The following ABCC9 variants were observed in gnomAD, a reference collection of about 807,000 sequenced individuals.
ABCC9 encodes the protein ATP-binding cassette sub-family C member 9.
In ABCC9, 95 loss-of-function variants were observed where a neutral mutation model predicts 188.3. The ratio of observed to expected loss-of-function variants is 0.50; its 90% confidence interval spans 0.43 to 0.60. ABCC9 has a LOEUF of 0.60. Ranked by LOEUF, ABCC9 falls within the 20% of genes least tolerant of loss-of-function variation. The probability of loss-of-function intolerance (pLI) is 0.00; values close to 1 mark genes in which losing one functional copy is unlikely to be tolerated. For synonymous variants in ABCC9, 659 were observed against 652.7 expected (o/e 1.01, Z -0.15); for missense variants, 1,102 against 1,876.3 (o/e 0.59, Z 7.62).
At chr12:21,826,417 T>C (rs1303015585) in intron 31 of ABCC9, among the ~76,000 whole-genome samples, 1 of 152,184 alleles carries the variant, frequency 6.6e-6, no homozygotes, top group East Asian at 1.9e-4. Context: ...CTGTCTCCAG[T>C]GATGTGGACA....
chr12:21,858,890 C>T (rs1945361847), intron 22 of ABCC9, among the ~76,000 whole-genome samples: 1 of 152,188 alleles, frequency 6.6e-6, no homozygotes, highest in African/African-American at 2.4e-5. Flanking sequence ...TTTACATACT[C>T]TGCCAGCATC....
In ABCC9 at chr12:21,845,585, A is replaced by G; in HGVS notation, c.3096+18T>C. ...ATATTTCCTTGATGATTTAAAAACA[A>G]AACCGAACCAATTGTACCTGATCAG... is the stretch of plus-strand genomic sequence containing the variant. On this transcript the variant is annotated intron_variant, in intron 26 of 39. Transcript: ENST00000261200. 1.2e-6 allele frequency: 2 copies of G among 1,606,156 alleles called. No individual in the cohort carries two copies. The highest frequency in any genetic ancestry group is 1.7e-6 in the Non-Finnish European group (2 of 1,173,468).
intron 35 of ABCC9, among the ~76,000 whole-genome samples, chr12:21,813,101 C>A (rs1296779345): frequency 1.3e-5 from 2 of 151,998 alleles, no homozygotes; most frequent in Non-Finnish European, 2.9e-5. Flanking sequence ...ATTGTCTGTT[C>A]CCCAACTAGA....
At chr12:21,923,091 A>G (rs1948900123) in intron 5 of ABCC9, 1 of 151,448 alleles carries the variant, frequency 6.6e-6, no homozygotes, top group African/African-American at 2.4e-5. Flanking sequence ...TGGAAAAAAA[A>G]AAAAAAGAAC....
chr12:21,848,577 A>T (rs1018480338), intron 24 of ABCC9, among the ~76,000 whole-genome samples: 1 of 152,204 alleles, frequency 6.6e-6, no homozygotes, highest in Non-Finnish European at 1.5e-5. Context: ...CATCACCTTC[A>T]GACTATCCTT....
At chr12:21,850,290 G>A (rs1009764425) in intron 24 of ABCC9, among the ~76,000 whole-genome samples, 4 of 151,956 alleles carry the variant, frequency 2.6e-5, no homozygotes, top group African/African-American at 7.3e-5. Flanking sequence ...AAAGTAAACC[G>A]AAATCTGTTT....
chr12:21,912,184 T>C lies in ABCC9; in HGVS notation c.1011+688A>G, dbSNP rs140395957. 4.6e-5 allele frequency among the ~76,000 whole-genome samples: 7 copies of C among 151,990 alleles called. No individual in the cohort carries two copies. In the East Asian group the frequency reaches 9.7e-4, roughly 21 times the overall value. ...GATGGAAAGAGGACAGGAAATCAGATTGAGAGAACAGAAAAGGAAAATGGA... is the reference window on the plus strand; with the variant it reads ...GATGGAAAGAGGACAGGAAATCAGACTGAGAGAACAGAAAAGGAAAATGGA... On this transcript the variant is annotated intron_variant, in intron 8 of 39. Transcript: ENST00000261200.
At chr12:21,860,687 C>A (rs1355466506) in intron 21 of ABCC9, among the ~76,000 whole-genome samples, 1 of 152,068 alleles carries the variant, frequency 6.6e-6, no homozygotes, top group Non-Finnish European at 1.5e-5. Flanking sequence ...TCCACGTAAG[C>A]AAAAATGCAT....
chr12:21,927,255 C>T (rs908441086), intron 4 of ABCC9, among the ~76,000 whole-genome samples: 2 of 152,136 alleles, frequency 1.3e-5, no homozygotes, highest in South Asian at 2.1e-4. Context: ...GCATCTCAAC[C>T]CGTGGAAAAC....
intron 14 of ABCC9, among the ~76,000 whole-genome samples, chr12:21,892,722 T>C (rs1020578223): frequency 6.6e-6 from 1 of 152,234 alleles, no homozygotes; most frequent in Admixed American, 6.5e-5. Context: ...GTTTATAAGA[T>C]GATTTATATG....
intron 18 of ABCC9, among the ~76,000 whole-genome samples, chr12:21,868,950 A>G (rs980576140): frequency 1.6e-4 from 25 of 152,340 alleles, no homozygotes; most frequent in African/African-American, 5.5e-4. Context: ...AAAGAATGTC[A>G]GTATCCTCTG....
At chr12:21,875,759 T>C in intron 16 of ABCC9, 33 bp from the exon 17 acceptor site, 1 of 1,494,384 alleles carries the variant, frequency 6.7e-7, no homozygotes, top group South Asian at 1.1e-5. Flanking sequence ...TTAAATTATA[T>C]GTGTGGTATC....
chr12:21,875,651 T>C lies in ABCC9; in HGVS notation c.2092+3A>G, dbSNP rs1293279635. 1 of 1,604,488 alleles carries C rather than the reference T, an allele frequency of 6.2e-7. No individual in the cohort carries two copies. The highest frequency in any genetic ancestry group is 8.5e-7 in the Non-Finnish European group (1 of 1,171,384). The stretch of plus-strand genomic sequence containing the variant: ...ACAAAAATGCATAACAGATAACTCT[T>C]ACCTGTTGGAATTCGAATATCTATA... On this transcript the variant is annotated splice_donor_region_variant and intron_variant, in intron 17 of 39. Transcript: ENST00000261200.
At position 21,862,957 on chromosome 12, in the gene ABCC9, G is replaced by C; in HGVS notation, c.2335C>G (p.Gln779Glu). The change falls in exon 20 of 40, where the codon CAG becomes GAG. Residue 779 changes from glutamine to glutamate, a missense_variant. By Grantham distance (29) the Gln-to-Glu change is conservative (BLOSUM62 2). Around this residue, in one of 12 missense-constraint regions of ABCC9, gnomAD observed 258 missense variants for 325.6 expected, o/e 0.79. Coordinates refer to ENST00000261200, the MANE Select transcript of ABCC9 (RefSeq NM_020297.4). Reference protein sequence around the residue: ...NITFGSPFNKQRYKAVTDACS... With the variant: ...NITFGSPFNKERYKAVTDACS... ...ATTTTATATGCTCAAAATTACCTCT[G>C]TTTGTTAAAAGGACTTCCAAAAGTA... 1.3e-6 allele frequency: 2 copies of C among 1,598,494 alleles called. No individual in the cohort carries two copies. Among genetic ancestry groups the C allele is most frequent in the Non-Finnish European group, 1.7e-6 (2 of 1,166,770 alleles).
chr12:21,923,484 T>G, intron 5 of ABCC9: 1 of 205,354 alleles, frequency 4.9e-6, no homozygotes. Context: ...AAGATATGAA[T>G]AGCCACATCC....
chr12:21,891,308 G>A (rs1947150058), intron 14 of ABCC9, among the ~76,000 whole-genome samples: 1 of 152,184 alleles, frequency 6.6e-6, no homozygotes, highest in South Asian at 2.1e-4. Context: ...ATACAAAGTG[G>A]AGAAGTGAGG....
At chr12:21,811,248 T>C (rs1942217306) in intron 36 of ABCC9, among the ~76,000 whole-genome samples, 1 of 152,156 alleles carries the variant, frequency 6.6e-6, no homozygotes, top group Non-Finnish European at 1.5e-5. Context: ...GCCATGATTG[T>C]AAGTTTCCTG....
chr12:21,900,478 G>C (rs1947682042), intron 12 of ABCC9, among the ~76,000 whole-genome samples: 3 of 152,212 alleles, frequency 2.0e-5, no homozygotes, highest in African/African-American at 7.2e-5. Flanking sequence ...TTGACGAGTT[G>C]ACAGAAGAAG....
At chr12:21,902,766 C>G (rs1947830136) in intron 12 of ABCC9, among the ~76,000 whole-genome samples, 1 of 152,124 alleles carries the variant, frequency 6.6e-6, no homozygotes, top group Non-Finnish European at 1.5e-5. Context: ...CCTGAATAGA[C>G]CAATAACAGG....
Sources: allele counts gnomAD v4.1 joint callset (sites outside exome capture counted in the v4.1 genomes callset), GRCh38; gene constraint gnomAD v4.1.1; regional missense constraint gnomAD v4.1.1; transcripts MANE v1.5; gene names NCBI Gene and HGNC (gene_info 2026-07-23, HGNC 2026-07-21).